PDE4B: variants seen among roughly 807,000 people sequenced by gnomAD.
PDE4B encodes the protein phosphodiesterase 4B.
In PDE4B, 20 loss-of-function variants were observed where a neutral mutation model predicts 82.2. The observed-to-expected ratio is 0.24, with a 90% confidence interval of 0.17 to 0.35. The LOEUF is 0.35. Ranked by LOEUF, PDE4B falls within the 10% of genes least tolerant of loss-of-function variation. The pLI is 1.00. For missense variants in PDE4B, 655 were observed against 907.2 expected, an observed-to-expected ratio of 0.72 and a Z score of 3.57; for synonymous variants, 320 against 318.9, an observed-to-expected ratio of 1.00 and a Z score of -0.04.
Position 66,257,887 on chromosome 1 carries a change from G to A in PDE4B, c.584+24G>A, listed in dbSNP as rs745813786. On this transcript the variant is annotated intron_variant, in intron 6 of 16. Coordinates refer to ENST00000341517, the MANE Select transcript of PDE4B (RefSeq NM_002600.4). Reference sequence around the variant, plus strand: ...AAGTAAGGATTGACTTTTTTGTGGAGTTTGAATCCCTAACATAAAGGCAAA... The same window carrying A: ...AAGTAAGGATTGACTTTTTTGTGGAATTTGAATCCCTAACATAAAGGCAAA... The A allele has an allele frequency of 3.9e-6, 6 of 1,557,808 alleles. No homozygotes were observed. In the African/African-American group the frequency reaches 6.8e-5, roughly 18 times the overall value.
chr1:65,958,733 TAC>T (rs71058438), intron 3 of PDE4B, among the ~76,000 whole-genome samples: 12 of 149,754 alleles, frequency 8.0e-5, no homozygotes, highest in African/African-American at 2.9e-4. Context: ...TATAATGTGA[TAC>T]ACACACACAC....
At chr1:66,296,227 T>C (rs17128754) in intron 7 of PDE4B, among the ~76,000 whole-genome samples, 2,427 of 152,270 alleles carry the variant, frequency 0.016, 34 homozygotes, top group African/African-American at 0.042. Flanking sequence ...TTATTTGATA[T>C]CCACAGGACC....
chr1:66,144,146 A>T (rs1646225609), intron 3 of PDE4B, among the ~76,000 whole-genome samples: 1 of 152,228 alleles, frequency 6.6e-6, no homozygotes, highest in Non-Finnish European at 1.5e-5. Flanking sequence ...AGGAGGGAGA[A>T]AGGAAAACTT....
intron 3 of PDE4B, among the ~76,000 whole-genome samples, chr1:65,920,670 TC>T (rs1281821342): frequency 3.9e-5 from 6 of 152,342 alleles, no homozygotes; most frequent in African/African-American, 1.2e-4. Flanking sequence ...TGGTAGGTAA[TC>T]AGCAAATGTT....
chr1:66,165,620 T>TA (rs1241770222), intron 3 of PDE4B, among the ~76,000 whole-genome samples: 7 of 152,060 alleles, frequency 4.6e-5, no homozygotes, highest in Non-Finnish European at 8.8e-5. Flanking sequence ...ATTTGAAAAT[T>TA]AAAAAAATAA....
intron 3 of PDE4B, among the ~76,000 whole-genome samples, chr1:66,224,007 C>T (rs149143173): frequency 6.6e-6 from 1 of 152,268 alleles, no homozygotes; most frequent in Admixed American, 6.5e-5. Context: ...TTTTGAATAA[C>T]CTTTTCTTCC....
At chr1:66,233,422 A>G (rs917319746) in intron 3 of PDE4B, among the ~76,000 whole-genome samples, 7 of 152,144 alleles carry the variant, frequency 4.6e-5, no homozygotes, top group Non-Finnish European at 7.4e-5. Context: ...TACTATGCCA[A>G]TGCTACAATG....
In PDE4B at chr1:65,918,532, C is replaced by T. The variant is rs1002493968; in HGVS notation, c.43-65C>T. 1.6e-5 allele frequency: 15 copies of T among 928,260 alleles called. No homozygotes were observed. The African/African-American group carries it at 2.4e-4, about 15-fold the overall frequency. The allele number at this position is 928,260 out of a possible 1,614,324, so 57.5% of individuals were successfully genotyped here. A position where few individuals can be genotyped will look rare whatever the true frequency, so the allele number is the denominator to read the frequency against. On this transcript the variant is annotated intron_variant, in intron 2 of 16. Transcript: ENST00000341517. ...CTTGATCATTTAGTTTCTTCTTTCA[C>T]TCCATTTAACATTTGAATTTCATTT...
rs142064675 is a variant in PDE4B, at chr1:65,916,798, G to A, written c.43-1799G>A. ...CACACACAACATACAGTAAGTGCTAGGCCTACAATGGATTTGATATAATAA... is the reference window on the plus strand; with the variant it reads ...CACACACAACATACAGTAAGTGCTAAGCCTACAATGGATTTGATATAATAA... On this transcript the variant is annotated intron_variant, in intron 2 of 16. Transcript: ENST00000341517. Among the ~76,000 whole-genome samples the A allele has an allele frequency of 6.9e-3, 1,042 of 151,942 alleles. 12 individuals carry two copies. Among genetic ancestry groups the A allele is most frequent in the African/African-American group, 0.023 (949 of 41,474 alleles).
At chr1:66,005,564 AT>A (rs1199717702) in intron 3 of PDE4B, among the ~76,000 whole-genome samples, 1 of 152,146 alleles carries the variant, frequency 6.6e-6, no homozygotes, top group Non-Finnish European at 1.5e-5. Context: ...AAGTCCAGGG[AT>A]TCTATTTAAA....
At chr1:66,279,755 G>A (rs1490953150) in intron 7 of PDE4B, among the ~76,000 whole-genome samples, 2 of 152,164 alleles carry the variant, frequency 1.3e-5, no homozygotes, top group Non-Finnish European at 2.9e-5. Flanking sequence ...AATCTATAGA[G>A]CAGAAAGTAA....
intron 1 of PDE4B, among the ~76,000 whole-genome samples, chr1:65,804,367 GGTTA>G (rs1645730031): frequency 6.6e-6 from 1 of 152,144 alleles, no homozygotes; most frequent in Admixed American, 6.6e-5. Context: ...GAACAAAGGT[GGTTA>G]GTTAAGGAGA....
chr1:65,848,250 C>T (rs141058585), intron 1 of PDE4B, among the ~76,000 whole-genome samples: 3,471 of 151,992 alleles, frequency 0.023, 110 homozygotes, highest in African/African-American at 0.076. Flanking sequence ...GCAGTTCTCC[C>T]GCATCAGCCT....
intron 1 of PDE4B, among the ~76,000 whole-genome samples, chr1:65,818,316 A>G (rs968995061): frequency 6.6e-6 from 1 of 152,060 alleles, no homozygotes; most frequent in African/African-American, 2.4e-5. Context: ...TCTATTCTTC[A>G]ACCTTATTAA....
At chr1:65,824,135 A>C (rs946167962) in intron 1 of PDE4B, among the ~76,000 whole-genome samples, 1 of 152,180 alleles carries the variant, frequency 6.6e-6, no homozygotes, top group African/African-American at 2.4e-5. Flanking sequence ...ATAGAACCCA[A>C]GTCTCAGGAT....
At chr1:65,927,182 A>C (rs1191645169) in intron 3 of PDE4B, among the ~76,000 whole-genome samples, 1 of 151,930 alleles carries the variant, frequency 6.6e-6, no homozygotes, top group Admixed American at 6.6e-5. Context: ...GTGTCAGAGG[A>C]GAAATAAATG....
At chr1:66,332,683 C>A in intron 8 of PDE4B, 63 bp downstream of exon 8, 1 of 1,371,428 alleles carries the variant, frequency 7.3e-7, no homozygotes, top group South Asian at 1.2e-5. Flanking sequence ...CTCCCCTCAC[C>A]CCTGTCTGCA....
intron 3 of PDE4B, among the ~76,000 whole-genome samples, chr1:65,977,117 C>G (rs1202013507): frequency 6.6e-6 from 1 of 152,072 alleles, no homozygotes; most frequent in South Asian, 2.1e-4. Flanking sequence ...CCTTTTTCTT[C>G]TGGTCTCATT....
intron 7 of PDE4B, among the ~76,000 whole-genome samples, chr1:66,275,193 T>C (rs1390200710): frequency 6.6e-6 from 1 of 152,238 alleles, no homozygotes; most frequent in Non-Finnish European, 1.5e-5. Flanking sequence ...AAGCCCTGTC[T>C]TGCATAAGCC....
Sources: gnomAD v4.1 joint callset for allele counts (sites outside exome capture counted in the v4.1 genomes callset) on GRCh38, gnomAD v4.1.1 for gene constraint, MANE v1.5 for transcripts, NCBI Gene and HGNC (gene_info 2026-07-23, HGNC 2026-07-21) for gene names.